Variants in ASIC2 observed in about 807,000 individuals in gnomAD.
ASIC2 encodes the protein acid sensing ion channel subunit 2.
Under a neutral mutation model 57.3 loss-of-function variants are expected in ASIC2, and 25 were observed. That is an observed-to-expected ratio of 0.44 (90% CI 0.32 to 0.61). ASIC2 has a LOEUF of 0.61. Among genes scored for constraint, ASIC2 ranks in the 20% least tolerant of loss-of-function variants. The pLI, the probability that ASIC2 is intolerant of heterozygous loss-of-function variation, is 0.06. For synonymous variants in ASIC2, 319 were observed against 307.5 expected (o/e 1.04, Z -0.39); for missense variants, 641 against 738.1 (o/e 0.87, Z 1.52).
At chr17:33,048,274 G>A (rs1052552947) in intron 3 of ASIC2, among the ~76,000 whole-genome samples, 1 of 152,272 alleles carries the variant, frequency 6.6e-6, no homozygotes, top group East Asian at 1.9e-4. Flanking sequence ...TCAACCTGTG[G>A]CATTTTGCTA....
chr17:33,303,043 C>T (rs1158725917), intron 1 of ASIC2, among the ~76,000 whole-genome samples: 2 of 152,194 alleles, frequency 1.3e-5, no homozygotes, highest in Admixed American at 1.3e-4. Flanking sequence ...ACTGAATTAA[C>T]CCTCATTTTT....
chr17:34,151,221 C>T (rs941111721), intron 1 of ASIC2, among the ~76,000 whole-genome samples: 5 of 152,152 alleles, frequency 3.3e-5, no homozygotes, highest in South Asian at 2.1e-4. Context: ...ATGCCTGGGT[C>T]ATGGTATTTC....
chr17:33,281,100 C>T (rs1052794328), intron 1 of ASIC2, among the ~76,000 whole-genome samples: 1 of 152,168 alleles, frequency 6.6e-6, no homozygotes, highest in African/African-American at 2.4e-5. Context: ...AATGAATCTC[C>T]TTACAGTCTA....
chr17:33,941,876 T>C (rs1357122294), intron 1 of ASIC2, among the ~76,000 whole-genome samples: 1 of 152,150 alleles, frequency 6.6e-6, no homozygotes, highest in Non-Finnish European at 1.5e-5. Flanking sequence ...AGCTTCCACT[T>C]TAAGCCAGAG....
In ASIC2 at chr17:33,993,211, G is replaced by A. The variant is rs564871294; in HGVS notation, c.555+162767C>T. Among the ~76,000 whole-genome samples the A allele has an allele frequency of 6.3e-4, 96 of 152,286 alleles. 1 individual carries two copies. The highest frequency in any genetic ancestry group is 2.9e-3 in the Admixed American group (45 of 15,304). On this transcript the variant is annotated intron_variant, in intron 1 of 9. Coordinates refer to the ASIC2 transcript ENST00000359872. ...GTCAAGCAGAAATATAATTTCATTGGTAGATTGGTAGCTTCCCTGTAATTA... is the reference window on the plus strand; with the variant it reads ...GTCAAGCAGAAATATAATTTCATTGATAGATTGGTAGCTTCCCTGTAATTA...
chr17:33,301,621 C>T (rs1309818085), intron 1 of ASIC2, among the ~76,000 whole-genome samples: 1 of 152,150 alleles, frequency 6.6e-6, no homozygotes, highest in African/African-American at 2.4e-5. Flanking sequence ...GTGGTCCTTG[C>T]TTTAGCTCTC....
chr17:33,994,072 T>G (rs1906080841), intron 1 of ASIC2, among the ~76,000 whole-genome samples: 3 of 152,144 alleles, frequency 2.0e-5, no homozygotes, highest in African/African-American at 7.2e-5. Context: ...TAAGCTCCTA[T>G]CACCTTAGTT....
intron 1 of ASIC2, among the ~76,000 whole-genome samples, chr17:33,436,284 C>G (rs1415654758): frequency 6.6e-6 from 1 of 152,268 alleles, no homozygotes; most frequent in Non-Finnish European, 1.5e-5. Context: ...GAATTAGGGG[C>G]CTGAATTCTG....
chr17:33,755,804 T>G (rs995799009), intron 1 of ASIC2, among the ~76,000 whole-genome samples: 3 of 152,106 alleles, frequency 2.0e-5, no homozygotes, highest in African/African-American at 7.2e-5. Context: ...GGTGACCCAC[T>G]GGGTGAAGAA....
intron 1 of ASIC2, among the ~76,000 whole-genome samples, chr17:33,819,859 C>T (rs539784550): frequency 1.3e-5 from 2 of 152,190 alleles, no homozygotes; most frequent in African/African-American, 2.4e-5. Context: ...ATTCTTAATT[C>T]GGTTCTGCAG....
chr17:33,739,814 GAGAA>G (rs373569642), intron 1 of ASIC2, among the ~76,000 whole-genome samples: 53 of 99,998 alleles, frequency 5.3e-4, no homozygotes, highest in African/African-American at 1.0e-3. Flanking sequence ...GAAAGAAAGA[GAGAA>G]AGAAAGAAAG....
chr17:33,851,647 T>C (rs1234181386), intron 1 of ASIC2, among the ~76,000 whole-genome samples: 1 of 152,208 alleles, frequency 6.6e-6, no homozygotes, highest in East Asian at 1.9e-4. Flanking sequence ...TACTTTGTTG[T>C]TGGGGGATGT....
chr17:33,191,315 T>C (rs1906408868), intron 1 of ASIC2, among the ~76,000 whole-genome samples: 1 of 152,100 alleles, frequency 6.6e-6, no homozygotes, highest in South Asian at 2.1e-4. Flanking sequence ...AGTAGTTTCC[T>C]TGGTGTGGAG....
At chr17:33,813,603 A>AT (rs1381909612) in intron 1 of ASIC2, among the ~76,000 whole-genome samples, 1 of 151,974 alleles carries the variant, frequency 6.6e-6, no homozygotes, top group African/African-American at 2.4e-5. Flanking sequence ...AGCCCGGCTA[A>AT]TTTTTTGTAT....
intron 1 of ASIC2, among the ~76,000 whole-genome samples, chr17:33,770,294 C>T (rs1339497379): frequency 6.6e-6 from 1 of 152,222 alleles, no homozygotes; most frequent in Non-Finnish European, 1.5e-5. Flanking sequence ...GGACACAGTT[C>T]AGAATTCACC....
intron 1 of ASIC2, among the ~76,000 whole-genome samples, chr17:33,360,343 G>A (rs1908549969): frequency 1.3e-5 from 2 of 152,216 alleles, no homozygotes; most frequent in South Asian, 4.1e-4. Flanking sequence ...CAGTGCCATA[G>A]GGAATGATGG....
chr17:33,285,547 A>G (rs1034801562), intron 1 of ASIC2, among the ~76,000 whole-genome samples: 2 of 152,244 alleles, frequency 1.3e-5, no homozygotes, highest in African/African-American at 4.8e-5. Flanking sequence ...TCATGCCCTC[A>G]TATTAAACAG....
At chr17:33,894,342 C>T (rs12950324) in intron 1 of ASIC2, among the ~76,000 whole-genome samples, 7,151 of 64,856 alleles carry the variant, frequency 0.11, 292 homozygotes, top group African/African-American at 0.24. Context: ...TGCGTGCGTG[C>T]GTGCGTGCGT....
chr17:33,788,035 T>G (rs534321475), intron 1 of ASIC2, among the ~76,000 whole-genome samples: 1 of 151,958 alleles, frequency 6.6e-6, no homozygotes, highest in Non-Finnish European at 1.5e-5. Context: ...CAAAAGCAAT[T>G]GCAACAAAAG....
Sources: allele counts gnomAD v4.1 joint callset (sites outside exome capture counted in the v4.1 genomes callset), GRCh38; gene constraint gnomAD v4.1.1; transcripts MANE v1.5; gene names NCBI Gene and HGNC (gene_info 2026-07-23, HGNC 2026-07-21).